Variants in TMEM132C observed in about 807,000 individuals in gnomAD.
TMEM132C encodes the protein protein phosphatase 1, regulatory subunit 152.
In TMEM132C, 29 loss-of-function variants were observed where a neutral mutation model predicts 61.4. That is an observed-to-expected ratio of 0.47 (90% CI 0.35 to 0.64). TMEM132C has a LOEUF of 0.64. TMEM132C is among the 30% of genes least tolerant of loss of function. TMEM132C has a pLI of 0.00. For synonymous variants in TMEM132C, 656 were observed against 633.1 expected (o/e 1.04, Z -0.54); for missense variants, 1,408 against 1,476.9 (o/e 0.95, Z 0.76).
chr12:128,335,840 A>G (rs1423147949), intron 1 of TMEM132C, among the ~76,000 whole-genome samples: 1 of 152,208 alleles, frequency 6.6e-6, no homozygotes, highest in African/African-American at 2.4e-5. Context: ...CCCAGGACAA[A>G]TGGAGAAATG....
At chr12:128,622,036 T>C (rs186105234) in intron 4 of TMEM132C, among the ~76,000 whole-genome samples, 1 of 152,138 alleles carries the variant, frequency 6.6e-6, no homozygotes, top group East Asian at 1.9e-4. Flanking sequence ...GAACACACCA[T>C]TATCCTCAAA....
chr12:128,599,811 G>C (rs1274532172), intron 3 of TMEM132C, among the ~76,000 whole-genome samples: 3 of 152,078 alleles, frequency 2.0e-5, no homozygotes, highest in Non-Finnish European at 2.9e-5. Flanking sequence ...GATATGGTTT[G>C]GCTGTGTCAT....
At chr12:128,590,109 C>A (rs2088330391) in intron 3 of TMEM132C, among the ~76,000 whole-genome samples, 1 of 152,210 alleles carries the variant, frequency 6.6e-6, no homozygotes, top group South Asian at 2.1e-4. Flanking sequence ...TACCCATGGG[C>A]TCTCCTGGGC....
Position 128,414,743 on chromosome 12 carries a change from C to T in TMEM132C, c.97C>T (p.His33Tyr). 6.6e-7 allele frequency: 1 copy of T among 1,525,746 alleles called. No homozygotes were observed. The highest frequency in any genetic ancestry group is 8.8e-7 in the Non-Finnish European group (1 of 1,139,162). 94.5% of individuals were successfully genotyped at this position (1,525,746 alleles called of 1,614,324 possible). A position where few individuals can be genotyped will look rare whatever the true frequency, so the allele number is the denominator to read the frequency against. ...TTTTCCCTTTTTAGTGATAGAGGGTCACGGGGTCACAGACAACATACAGAG... is the reference window on the plus strand; with the variant it reads ...TTTTCCCTTTTTAGTGATAGAGGGTTACGGGGTCACAGACAACATACAGAG... ...GALLGKVIEG[H>Y]GVTDNIQRFS... The change falls in exon 2 of 9, where the codon CAC (histidine) becomes TAC (tyrosine). Residue 33 changes from histidine to tyrosine, a missense_variant. His to Tyr is a moderately conservative substitution (Grantham distance 83). Transcript: ENST00000435159.
intron 2 of TMEM132C, among the ~76,000 whole-genome samples, chr12:128,430,656 G>A (rs944691188): frequency 9.9e-5 from 15 of 152,238 alleles, no homozygotes; most frequent in East Asian, 1.9e-4. Context: ...CCAACAGCAC[G>A]TGCTCACTTC....
chr12:128,624,381 TA>T (rs1352604001), intron 4 of TMEM132C, among the ~76,000 whole-genome samples: 5 of 151,708 alleles, frequency 3.3e-5, no homozygotes, highest in Admixed American at 2.0e-4. Flanking sequence ...CCGTCTCTAC[TA>T]AAAATACAAA....
At chr12:128,347,432 TCTCTC>T (rs1873202808) in intron 1 of TMEM132C, among the ~76,000 whole-genome samples, 2 of 148,922 alleles carry the variant, frequency 1.3e-5, no homozygotes, top group African/African-American at 4.9e-5. Context: ...TCTCTCTCTC[TCTCTC>T]TCCTTCTTTC....
intron 8 of TMEM132C, among the ~76,000 whole-genome samples, chr12:128,698,275 TAGAA>T (rs768371621): frequency 7.9e-5 from 12 of 152,152 alleles, no homozygotes; most frequent in Non-Finnish European, 1.8e-4. Context: ...GACAGGAAAT[TAGAA>T]AGAGAGCAGG....
At chr12:128,414,456 A>G (rs1868682990) in intron 1 of TMEM132C, among the ~76,000 whole-genome samples, 1 of 152,230 alleles carries the variant, frequency 6.6e-6, no homozygotes. Flanking sequence ...TCATTCTGTT[A>G]AGTTGAACTC....
At chr12:128,482,554 C>A (rs1048279072) in intron 2 of TMEM132C, among the ~76,000 whole-genome samples, 2 of 152,098 alleles carry the variant, frequency 1.3e-5, no homozygotes, top group Non-Finnish European at 2.9e-5. Flanking sequence ...GAAATGGTAC[C>A]GGCTCTTCTT....
intron 4 of TMEM132C, among the ~76,000 whole-genome samples, chr12:128,619,100 TA>T (rs1206639839): frequency 1.3e-5 from 2 of 152,048 alleles, no homozygotes; most frequent in African/African-American, 4.8e-5. Flanking sequence ...ATGAGAAATT[TA>T]AAAAAAATTA....
intron 1 of TMEM132C, among the ~76,000 whole-genome samples, chr12:128,346,902 A>G (rs1478667452): frequency 6.6e-6 from 1 of 152,154 alleles, no homozygotes; most frequent in African/African-American, 2.4e-5. Context: ...CTTTGTAATA[A>G]GTCTCAAAAT....
At chr12:128,526,286 G>A (rs1294799450) in intron 2 of TMEM132C, among the ~76,000 whole-genome samples, 3 of 152,236 alleles carry the variant, frequency 2.0e-5, no homozygotes, top group Non-Finnish European at 4.4e-5. Flanking sequence ...GAGTTCTGGA[G>A]ACTGGAAAGT....
intron 1 of TMEM132C, among the ~76,000 whole-genome samples, chr12:128,332,890 C>T (rs535148786): frequency 2.6e-5 from 4 of 152,308 alleles, no homozygotes; most frequent in Non-Finnish European, 5.9e-5. Flanking sequence ...CCTAGTGGCC[C>T]TGTAGAGACC....
chr12:128,435,938 A>G (rs1466372477), intron 2 of TMEM132C, among the ~76,000 whole-genome samples: 3 of 152,224 alleles, frequency 2.0e-5, no homozygotes, highest in African/African-American at 7.2e-5. Context: ...CGGTACTGGT[A>G]CTCAAATCAG....
rs112744674 is a variant in TMEM132C at position 128,627,780 on chromosome 12, A to G, written c.1305+11445A>G. On this transcript the variant is annotated intron_variant, in intron 4 of 8. Coordinates refer to ENST00000435159, the MANE Select transcript of TMEM132C (RefSeq NM_001136103.3). ...CTGCAGCTCTGCTCTGCAGTGTCCC[A>G]GCTCCCTCCGCCGAGGAGTCAGGCC... Among the ~76,000 whole-genome samples the G allele has an allele frequency of 6.8e-3, 1,031 of 152,186 alleles. 11 individuals are homozygous for G. Among genetic ancestry groups the G allele is most frequent in the African/African-American group, 0.024 (995 of 41,510 alleles).
chr12:128,448,908 C>A (rs114294902), intron 2 of TMEM132C, among the ~76,000 whole-genome samples: 1 of 151,870 alleles, frequency 6.6e-6, no homozygotes, highest in African/African-American at 2.4e-5. Flanking sequence ...TAGGCCGAGG[C>A]GGGCGGATCA....
In TMEM132C at chr12:128,540,327, C is replaced by T. The variant is rs140566247; in HGVS notation, c.975-3630C>T. ...GCACTGCAGTGGCACGATCTTGGCT[C>T]ACTGCAACCTCTGGCTCCTGGGTTC... On this transcript the variant is annotated intron_variant, in intron 2 of 8. Coordinates refer to ENST00000435159, the MANE Select transcript of TMEM132C (RefSeq NM_001136103.3). 3.9e-3 allele frequency among the ~76,000 whole-genome samples: 593 copies of T among 152,322 alleles called. 3 individuals carry two copies. Among genetic ancestry groups the T allele is most frequent in the African/African-American group, 9.4e-3 (392 of 41,562 alleles).
At chr12:128,473,453 C>T (rs1015093628) in intron 2 of TMEM132C, among the ~76,000 whole-genome samples, 7 of 136,208 alleles carry the variant, frequency 5.1e-5, no homozygotes, top group Admixed American at 4.5e-4. Context: ...TTTATCCTCA[C>T]GCCAGCCTCT....
Sources: gnomAD v4.1 joint callset for allele counts (sites outside exome capture counted in the v4.1 genomes callset) on GRCh38, gnomAD v4.1.1 for gene constraint, MANE v1.5 for transcripts, NCBI Gene and HGNC (gene_info 2026-07-23, HGNC 2026-07-21) for gene names.